The following PRKCQ variants were observed in gnomAD, a reference collection of about 807,000 sequenced individuals.
PRKCQ encodes the protein protein kinase C theta, also known as protein kinase C theta type.
In PRKCQ, 41 loss-of-function variants were observed where a neutral mutation model predicts 91.2. The ratio of observed to expected loss-of-function variants is 0.45; its 90% confidence interval spans 0.35 to 0.58. PRKCQ has a LOEUF of 0.58. Ranked by LOEUF, PRKCQ falls within the 20% of genes least tolerant of loss-of-function variation. The pLI, the probability that PRKCQ is intolerant of heterozygous loss-of-function variation, is 0.00. For synonymous variants in PRKCQ, 307 were observed against 316.9 expected (o/e 0.97, Z 0.33); for missense variants, 673 against 896.5 (o/e 0.75, Z 3.18).
chr10:6,511,781 G>A (rs1838489258), intron 2 of PRKCQ, among the ~76,000 whole-genome samples: 9 of 152,064 alleles, frequency 5.9e-5, no homozygotes, highest in Admixed American at 5.9e-4. Context: ...GAGAGGTGTG[G>A]GGATCCTTTC....
Position 6,497,293 on chromosome 10 carries a change from A to G in PRKCQ, c.543-42T>C. On this transcript the variant is annotated intron_variant, in intron 5 of 17. Transcript: ENST00000263125. This position sits in a 1 kb window ranked among gnomAD's most constrained non-coding sequence, Gnocchi z 4.5. ...GCTGATTTATTTCAATGTTGGCATC[A>G]ACATCAGCACCAACAGCATTTAAGA... 1 of 1,612,496 alleles carries G rather than the reference A, an allele frequency of 6.2e-7. No individual in the cohort carries two copies. The highest frequency in any genetic ancestry group is 1.1e-5 in the South Asian group (1 of 91,014).
intron 1 of PRKCQ, among the ~76,000 whole-genome samples, chr10:6,541,249 G>A (rs2130916462): frequency 6.6e-6 from 1 of 152,308 alleles, no homozygotes; most frequent in East Asian, 1.9e-4. Flanking sequence ...TGTTGACTCT[G>A]CGTAAAGGCT....
chr10:6,427,576 T>G lies in PRKCQ; in HGVS notation c.*631A>C, dbSNP rs1209078768. 6.6e-6 allele frequency: 1 copy of G among 152,432 alleles called. No individual in the cohort carries two copies. The highest frequency in any genetic ancestry group is 2.4e-5 in the African/African-American group (1 of 41,466). The allele number at this position is 152,432 out of a possible 1,614,324, so 9.4% of individuals were successfully genotyped here. A position where few individuals can be genotyped will look rare whatever the true frequency, so the allele number is the denominator to read the frequency against. On this transcript the variant is annotated 3_prime_UTR_variant, in exon 18 of 18. Transcript: ENST00000263125. ...GTGTCTAGCAAACCTTCCCTCTCAC[T>G]TTCCACTTGTCCTCTTGACCATGGA...
At chr10:6,577,888 C>T (rs372275521) in intron 1 of PRKCQ, among the ~76,000 whole-genome samples, 3 of 151,824 alleles carry the variant, frequency 2.0e-5, no homozygotes, top group African/African-American at 4.8e-5. Context: ...TCTGAATCCC[C>T]GAAGTTACAT....
intron 13 of PRKCQ, among the ~76,000 whole-genome samples, chr10:6,463,349 G>T (rs1364482731): frequency 6.6e-6 from 1 of 152,160 alleles, no homozygotes; most frequent in East Asian, 1.9e-4. Flanking sequence ...CTCCTTCCTG[G>T]AAGGCATTTA....
At chr10:6,478,969 G>C (rs1836425557) in intron 12 of PRKCQ, 23 bp downstream of exon 12, 15 of 1,612,434 alleles carry the variant, frequency 9.3e-6, no homozygotes, top group African/African-American at 1.3e-5. Context: ...GGGGAGGTAG[G>C]GTTGTCGGAG....
chr10:6,535,158 C>G (rs1029245332), intron 1 of PRKCQ, among the ~76,000 whole-genome samples: 2 of 152,178 alleles, frequency 1.3e-5, no homozygotes, highest in African/African-American at 4.8e-5. Context: ...CAAGACCTCT[C>G]TGTTCACCTG....
intron 15 of PRKCQ, among the ~76,000 whole-genome samples, chr10:6,447,435 C>T (rs538127860): frequency 6.6e-6 from 1 of 150,862 alleles, no homozygotes; most frequent in South Asian, 2.1e-4. Context: ...TACGATATTT[C>T]CCTGTTTAAC....
chr10:6,439,117 T>A (rs1457122328), intron 16 of PRKCQ, among the ~76,000 whole-genome samples: 5 of 152,230 alleles, frequency 3.3e-5, no homozygotes, highest in Non-Finnish European at 2.9e-5. Flanking sequence ...GTCCAGATCT[T>A]TCTTGATGGC....
chr10:6,562,677 G>A (rs2130958206), intron 1 of PRKCQ, among the ~76,000 whole-genome samples: 1 of 152,304 alleles, frequency 6.6e-6, no homozygotes, highest in Non-Finnish European at 1.5e-5. Flanking sequence ...CCAAAATCAG[G>A]CTTTGCTACA....
chr10:6,499,053 T>C (rs551420488), intron 4 of PRKCQ, among the ~76,000 whole-genome samples: 64 of 152,286 alleles, frequency 4.2e-4, no homozygotes, highest in Non-Finnish European at 9.0e-4. Flanking sequence ...GGAGACATGC[T>C]GGAGTAGACT....
At chr10:6,531,913 G>A (rs1267095443) in intron 1 of PRKCQ, among the ~76,000 whole-genome samples, 1 of 152,080 alleles carries the variant, frequency 6.6e-6, no homozygotes, top group Admixed American at 6.6e-5. Flanking sequence ...AAATTAAGGT[G>A]AGTGATCAAA....
At chr10:6,547,348 C>T (rs1254542148) in intron 1 of PRKCQ, among the ~76,000 whole-genome samples, 5 of 151,596 alleles carry the variant, frequency 3.3e-5, no homozygotes, top group Admixed American at 2.6e-4. Flanking sequence ...CATCAAGCTA[C>T]CAATGACTTT....
intron 1 of PRKCQ, among the ~76,000 whole-genome samples, chr10:6,526,021 A>G (rs1323972823): frequency 1.3e-5 from 2 of 152,274 alleles, no homozygotes. Flanking sequence ...AGGAAACTCC[A>G]TAAACTCCTA....
At chr10:6,423,930 C>T (rs1268231123), downstream of PRKCQ, among the ~76,000 whole-genome samples, 1 of 152,112 alleles carries the variant, frequency 6.6e-6, no homozygotes, top group African/African-American at 2.4e-5. Flanking sequence ...ACGTGCTCAC[C>T]CACATCCTAT....
chr10:6,416,201 TTTA>T, the PRKCQ span, among the ~76,000 whole-genome samples: 1 of 146,900 alleles, frequency 6.8e-6, no homozygotes, highest in Non-Finnish European at 1.5e-5. Context: ...TTCTTCTTTT[TTTA>T]AAATTTAATT....
At chr10:6,524,164 T>A (rs533070749) in intron 1 of PRKCQ, among the ~76,000 whole-genome samples, 4 of 152,138 alleles carry the variant, frequency 2.6e-5, no homozygotes, top group African/African-American at 9.7e-5. Flanking sequence ...AAAAATCCTA[T>A]GAGAAAGAGT....
At chr10:6,452,412 G>T (rs1280415865) in intron 15 of PRKCQ, among the ~76,000 whole-genome samples, 3 of 152,052 alleles carry the variant, frequency 2.0e-5, no homozygotes, top group Non-Finnish European at 4.4e-5. Context: ...ACTGCTCAAT[G>T]ATATAAAAGA....
chr10:6,475,149 A>G (rs1476429312), intron 12 of PRKCQ, among the ~76,000 whole-genome samples: 1 of 152,166 alleles, frequency 6.6e-6, no homozygotes. Context: ...CATTGTGAAG[A>G]TTCTTTTGAT....
Sources: allele counts gnomAD v4.1 joint callset (sites outside exome capture counted in the v4.1 genomes callset), GRCh38; gene constraint gnomAD v4.1.1; non-coding constraint Gnocchi (gnomAD v3.1); transcripts MANE v1.5; gene names NCBI Gene and HGNC (gene_info 2026-07-23, HGNC 2026-07-21).